PAFAH1B1: variants seen among roughly 807,000 people sequenced by gnomAD.
PAFAH1B1 encodes the protein platelet-activating factor acetylhydrolase IB subunit beta.
In PAFAH1B1, 2 loss-of-function variants were observed where a neutral mutation model predicts 57.5. That is an observed-to-expected ratio of 0.03 (90% confidence interval 0.01 to 0.11). The LOEUF is 0.11. Among genes scored for constraint, PAFAH1B1 ranks in the 10% least tolerant of loss-of-function variants. PAFAH1B1 has a pLI of 1.00. For synonymous variants in PAFAH1B1, 152 were observed against 169.6 expected, an observed-to-expected ratio of 0.90 and a Z score of 0.81; for missense variants, 257 against 512.0, an observed-to-expected ratio of 0.50 and a Z score of 4.81.
intron 1 of PAFAH1B1, among the ~76,000 whole-genome samples, chr17:2,636,613 G>C (rs2068627656): frequency 6.6e-6 from 1 of 152,106 alleles, no homozygotes; most frequent in Non-Finnish European, 1.5e-5. Flanking sequence ...TGGCCAGGCT[G>C]GTCGCAAACT....
Position 2,666,032 on chromosome 17 carries a change from A to C in PAFAH1B1, c.134A>C (p.Lys45Thr). The C allele has an allele frequency of 2.0e-6, 3 of 1,516,396 alleles. No individual in the cohort carries two copies. The highest frequency in any genetic ancestry group is 2.7e-6 in the Non-Finnish European group (3 of 1,109,282). The allele number at this position is 1,516,396 out of a possible 1,614,324, so 93.9% of individuals were successfully genotyped here. Residue 45 changes from lysine (K) to threonine (T), a missense_variant, in exon 4 of 11, where the codon AAA (lysine) becomes ACA (threonine). By Grantham distance (78) the Lys-to-Thr change is moderately conservative (BLOSUM62 -1). Transcript: ENST00000397195. ...TTTCTCTAGAATGAAGAATTAGATAAAAAGTATGCTGGTCTTTTGGAAAAA... is the reference window on the plus strand; with the variant it reads ...TTTCTCTAGAATGAAGAATTAGATACAAAGTATGCTGGTCTTTTGGAAAAA... Reference protein sequence around the residue: ...AELDVNEELDKKYAGLLEKKW... With the variant: ...AELDVNEELDTKYAGLLEKKW...
chr17:2,651,763 T>C (rs550787867), intron 2 of PAFAH1B1, among the ~76,000 whole-genome samples: 6 of 152,230 alleles, frequency 3.9e-5, no homozygotes, highest in African/African-American at 1.4e-4. Flanking sequence ...CATATGCCTT[T>C]TTGCCTTTCC....
chr17:2,595,933 G>T (rs2068080299), intron 1 of PAFAH1B1, among the ~76,000 whole-genome samples: 1 of 152,160 alleles, frequency 6.6e-6, no homozygotes, highest in Admixed American at 6.6e-5. Context: ...AGAAGACTGG[G>T]TGGAGTAAGG....
At chr17:2,652,227 G>C (rs535727625) in intron 2 of PAFAH1B1, among the ~76,000 whole-genome samples, 4 of 151,826 alleles carry the variant, frequency 2.6e-5, no homozygotes, top group South Asian at 2.1e-4. Context: ...TGGCTAACAC[G>C]GTGAAACCCC....
intron 1 of PAFAH1B1, among the ~76,000 whole-genome samples, chr17:2,604,828 G>T (rs2068187675): frequency 6.6e-6 from 1 of 152,052 alleles, no homozygotes; most frequent in South Asian, 2.1e-4. Context: ...AATAATTGGA[G>T]TGAACGTGGG....
At chr17:2,629,829 A>G (rs185338116) in intron 1 of PAFAH1B1, among the ~76,000 whole-genome samples, 36 of 152,322 alleles carry the variant, frequency 2.4e-4, no homozygotes, top group African/African-American at 8.7e-4. Context: ...TTTTACTATT[A>G]TATAACGTCC....
At chr17:2,639,019 C>T (rs2068660852) in intron 2 of PAFAH1B1, among the ~76,000 whole-genome samples, 3 of 152,128 alleles carry the variant, frequency 2.0e-5, no homozygotes, top group Admixed American at 1.3e-4. Context: ...TCTGCCTCAA[C>T]CTCCCGAGTA....
intron 5 of PAFAH1B1, chr17:2,667,532 G>T (rs1055786173): frequency 2.1e-5 from 7 of 328,724 alleles, no homozygotes; most frequent in East Asian, 7.8e-5. Flanking sequence ...AGAAAGTCGG[G>T]TGTCACTAAC....
At chr17:2,671,709 T>G (rs568589821) in intron 6 of PAFAH1B1, among the ~76,000 whole-genome samples, 1 of 151,310 alleles carries the variant, frequency 6.6e-6, no homozygotes, top group South Asian at 2.1e-4. Context: ...TTCAAATGAT[T>G]CTCCCACCTC....
At chr17:2,613,056 A>G (rs1436901315) in intron 1 of PAFAH1B1, among the ~76,000 whole-genome samples, 7 of 151,862 alleles carry the variant, frequency 4.6e-5, no homozygotes, top group South Asian at 2.1e-4. Flanking sequence ...AAAAAAAAAA[A>G]AAAAGGTGAA....
intron 2 of PAFAH1B1, among the ~76,000 whole-genome samples, chr17:2,662,802 A>C (rs1172293797): frequency 6.6e-6 from 1 of 152,114 alleles, no homozygotes; most frequent in African/African-American, 2.4e-5. Flanking sequence ...AAAGAGGTGA[A>C]GATTCCATCC....
chr17:2,629,956 C>A (rs1272448503), intron 1 of PAFAH1B1, among the ~76,000 whole-genome samples: 1 of 152,012 alleles, frequency 6.6e-6, no homozygotes, highest in African/African-American at 2.4e-5. Flanking sequence ...CACCCCTTTA[C>A]TTTAAATTTA....
intron 2 of PAFAH1B1, among the ~76,000 whole-genome samples, chr17:2,664,662 A>ATCGCGCGC (rs1567554061): frequency 1.1e-5 from 1 of 90,300 alleles, no homozygotes; most frequent in African/African-American, 4.7e-5. Context: ...ATATCTATCT[A>ATCGCGCGC]TCGCTCTCTC....
At chr17:2,613,657 G>T in intron 1 of PAFAH1B1, 1 of 294,554 alleles carries the variant, frequency 3.4e-6, no homozygotes. Context: ...ACTCTCCACA[G>T]CCAGACAGCC....
At chr17:2,649,144 G>T (rs1320168502) in intron 2 of PAFAH1B1, among the ~76,000 whole-genome samples, 1 of 150,812 alleles carries the variant, frequency 6.6e-6, no homozygotes, top group African/African-American at 2.4e-5. Context: ...TTGAAACTGG[G>T]AGGCAGAGGC....
At chr17:2,669,263 GA>G (rs2069147688) in intron 5 of PAFAH1B1, among the ~76,000 whole-genome samples, 1 of 142,020 alleles carries the variant, frequency 7.0e-6, no homozygotes, top group Middle Eastern at 3.4e-3. Flanking sequence ...CCAGCAATTA[GA>G]ATTTTTTTTT....
chr17:2,596,742 T>G (rs1279619335), intron 1 of PAFAH1B1, among the ~76,000 whole-genome samples: 1 of 152,166 alleles, frequency 6.6e-6, no homozygotes, highest in Non-Finnish European at 1.5e-5. Context: ...CATATCCCTA[T>G]TCCTACTGTT....
chr17:2,617,880 C>T (rs992778575), intron 1 of PAFAH1B1, among the ~76,000 whole-genome samples: 5 of 151,784 alleles, frequency 3.3e-5, no homozygotes, highest in South Asian at 2.1e-4. Context: ...GTGGAGATTG[C>T]GCCATTGCAC....
In PAFAH1B1 at chr17:2,674,367, C is replaced by T; in HGVS notation, c.900+79C>T. 2.8e-6 allele frequency: 3 copies of T among 1,055,306 alleles called. No individual in the cohort carries two copies. In the South Asian group the frequency reaches 3.9e-5, roughly 14 times the overall value. The allele number at this position is 1,055,306 out of a possible 1,614,324, so 65.4% of individuals were successfully genotyped here. The stretch of plus-strand genomic sequence containing the variant: ...AGATAACTTTGCTAATTCCCTGTTT[C>T]AGGGCTGTTAATGCATTTAAAAATC... On this transcript the variant is annotated intron_variant, in intron 8 of 10. Coordinates refer to ENST00000397195, the MANE Select transcript of PAFAH1B1 (RefSeq NM_000430.4).
Sources: allele counts gnomAD v4.1 joint callset (sites outside exome capture counted in the v4.1 genomes callset), GRCh38; gene constraint gnomAD v4.1.1; transcripts MANE v1.5; gene names NCBI Gene and HGNC (gene_info 2026-07-23, HGNC 2026-07-21).